RGS6: variants seen among roughly 807,000 people sequenced by gnomAD.
The protein encoded by RGS6 is regulator of G protein signaling 6, also known as regulator of G-protein signaling 6.
In RGS6, 30 loss-of-function variants were observed where a neutral mutation model predicts 78.5. The observed-to-expected ratio is 0.38, with a 90% CI of 0.29 to 0.52. The LOEUF (loss-of-function observed/expected upper bound fraction) is 0.52. RGS6 is among the 20% of genes least tolerant of loss of function. RGS6 has a pLI of 0.85. For missense variants in RGS6, 495 were observed against 609.7 expected, an observed-to-expected ratio of 0.81 and a Z score of 1.98; for synonymous variants, 206 against 206.0, an observed-to-expected ratio of 1.00 and a Z score of 0.00.
chr14:71,972,800 G>A (rs189635723), intron 2 of RGS6, among the ~76,000 whole-genome samples: 1 of 152,256 alleles, frequency 6.6e-6, no homozygotes, highest in Admixed American at 6.5e-5. Flanking sequence ...AGATGTTTAG[G>A]AGGTTCAGGC....
rs559825683 is a variant in RGS6 at position 72,053,985 on chromosome 14, G to T, written c.84+89110G>T. ...GGTGGAAATTGAGATAAGACCGAATGGTTGAGATTAATTTCACATCACAAG... is the reference window on the plus strand; with the variant it reads ...GGTGGAAATTGAGATAAGACCGAATTGTTGAGATTAATTTCACATCACAAG... On this transcript the variant is annotated intron_variant, in intron 2 of 17. Coordinates refer to ENST00000553525, the MANE Select transcript of RGS6 (RefSeq NM_001204424.2). Among the ~76,000 whole-genome samples, 6 of 152,304 alleles carry T rather than the reference G, an allele frequency of 3.9e-5. No individual in the cohort carries two copies. In the South Asian group the frequency reaches 8.3e-4, roughly 21 times the overall value.
chr14:71,995,285 C>G (rs1362390598), intron 2 of RGS6, among the ~76,000 whole-genome samples: 2 of 152,168 alleles, frequency 1.3e-5, no homozygotes, highest in African/African-American at 4.8e-5. Flanking sequence ...CTGGCAACAC[C>G]AGGCCTTTGT....
chr14:72,193,890 A>G (rs1490246375), intron 2 of RGS6, among the ~76,000 whole-genome samples: 2 of 152,186 alleles, frequency 1.3e-5, no homozygotes, highest in Non-Finnish European at 1.5e-5. Context: ...GGATGCATGC[A>G]AAGGCCAAAA....
intron 3 of RGS6, among the ~76,000 whole-genome samples, chr14:72,371,119 G>T (rs1346174816): frequency 1.3e-5 from 2 of 152,210 alleles, no homozygotes; most frequent in African/African-American, 4.8e-5. Context: ...TGATTATGCT[G>T]TGGTTGCCTT....
chr14:72,436,627 A>G (rs1356702064), intron 3 of RGS6, among the ~76,000 whole-genome samples: 6 of 152,218 alleles, frequency 3.9e-5, no homozygotes, highest in Non-Finnish European at 8.8e-5. Flanking sequence ...AGTCCTGATT[A>G]GCTCAAAATG....
chr14:72,097,289 G>A (rs2095428927), intron 2 of RGS6, among the ~76,000 whole-genome samples: 1 of 152,216 alleles, frequency 6.6e-6, no homozygotes, highest in Admixed American at 6.5e-5. Flanking sequence ...CTCCTCTTGT[G>A]TTAGTGGCTG....
intron 2 of RGS6, among the ~76,000 whole-genome samples, chr14:71,993,334 T>C (rs966072552): frequency 6.6e-6 from 1 of 152,186 alleles, no homozygotes; most frequent in Non-Finnish European, 1.5e-5. Context: ...GAGTGGCTTT[T>C]AGATGGAATT....
intron 17 of RGS6, chr14:72,541,063 CG>C (rs1567088081): frequency 1.5e-6 from 2 of 1,346,496 alleles, no homozygotes; most frequent in Non-Finnish European, 2.0e-6. Context: ...CGCTCAATCA[CG>C]GGGCCCATCC....
chr14:72,489,155 G>GCCCCCCCCC (rs1443927486), intron 12 of RGS6, among the ~76,000 whole-genome samples: 27 of 116,368 alleles, frequency 2.3e-4, no homozygotes, highest in Admixed American at 3.5e-4. Flanking sequence ...GGACAAAGGG[G>GCCCCCCCCC]GCCCCCCCAC....
intron 13 of RGS6, among the ~76,000 whole-genome samples, chr14:72,507,382 C>G (rs989563621): frequency 6.6e-6 from 1 of 152,214 alleles, no homozygotes; most frequent in Non-Finnish European, 1.5e-5. Flanking sequence ...GACTTCTAGG[C>G]TCCAGAACTG....
At chr14:72,561,680 GTT>G (rs1555478132) in intron 17 of RGS6, among the ~76,000 whole-genome samples, 1 of 152,204 alleles carries the variant, frequency 6.6e-6, no homozygotes, top group Non-Finnish European at 1.5e-5. Flanking sequence ...CCAGTTCACT[GTT>G]TTAGTTTTTG....
intron 2 of RGS6, among the ~76,000 whole-genome samples, chr14:72,350,169 C>T (rs1566594885): frequency 6.6e-6 from 1 of 152,180 alleles, no homozygotes. Flanking sequence ...TAGCATAATA[C>T]TCATCTACCT....
At chr14:72,365,988 T>C (rs2082370477) in intron 3 of RGS6, among the ~76,000 whole-genome samples, 1 of 152,110 alleles carries the variant, frequency 6.6e-6, no homozygotes, top group Non-Finnish European at 1.5e-5. Flanking sequence ...GAACATTTTA[T>C]GTAAGAGATA....
intron 2 of RGS6, among the ~76,000 whole-genome samples, chr14:72,152,403 G>T (rs1007351970): frequency 1.3e-5 from 2 of 152,054 alleles, no homozygotes; most frequent in Non-Finnish European, 2.9e-5. Flanking sequence ...GCTCCAGAGG[G>T]TAGTACGTTC....
In RGS6 at chr14:72,232,484, A is replaced by T. The variant is rs573604604; in HGVS notation, c.85-119611A>T. Among the ~76,000 whole-genome samples the T allele has an allele frequency of 7.2e-5, 11 of 152,210 alleles. No homozygotes were observed. The South Asian group carries it at 1.0e-3, about 14-fold the overall frequency. On this transcript the variant is annotated intron_variant, in intron 2 of 17. Coordinates refer to ENST00000553525, the MANE Select transcript of RGS6 (RefSeq NM_001204424.2). ...CTCAGTCTCTTCCTTCCCACCTCAG[A>T]TCTTTATTTAAATAGATTGGAAGAC...
intron 3 of RGS6, among the ~76,000 whole-genome samples, chr14:72,360,058 A>G (rs1165735298): frequency 6.6e-6 from 1 of 152,188 alleles, no homozygotes; most frequent in African/African-American, 2.4e-5. Flanking sequence ...TAATAAAAAG[A>G]TAATATGTTT....
At chr14:71,918,015 T>C in the RGS6 span, among the ~76,000 whole-genome samples, 1 of 150,254 alleles carries the variant, frequency 6.7e-6, no homozygotes, top group Non-Finnish European at 1.5e-5. Context: ...CTACTGAAAA[T>C]ACAAAAAAAT....
intron 15 of RGS6, among the ~76,000 whole-genome samples, chr14:72,524,291 T>C (rs2097091898): frequency 6.6e-6 from 1 of 152,186 alleles, no homozygotes; most frequent in African/African-American, 2.4e-5. Context: ...TAGCAAAGCA[T>C]TGCAGGCTTT....
intron 2 of RGS6, among the ~76,000 whole-genome samples, chr14:72,232,917 G>A (rs370262025): frequency 2.6e-5 from 4 of 152,168 alleles, no homozygotes; most frequent in Admixed American, 2.0e-4. Flanking sequence ...CAGCCTGTAC[G>A]CTTCCTGGGG....
Sources: allele counts gnomAD v4.1 joint callset (sites outside exome capture counted in the v4.1 genomes callset), GRCh38; gene constraint gnomAD v4.1.1; transcripts MANE v1.5; gene names NCBI Gene and HGNC (gene_info 2026-07-23, HGNC 2026-07-21).